The following RPH3AL variants were observed in gnomAD, a reference collection of about 807,000 sequenced individuals.
RPH3AL encodes the protein rab effector Noc2.
Under a neutral mutation model 43.1 loss-of-function variants are expected in RPH3AL, and 38 were observed. That is an observed-to-expected ratio of 0.88 (90% CI 0.68 to 1.15). The LOEUF is 1.15. Ranked by LOEUF, RPH3AL falls within the 50% of genes most tolerant of loss-of-function variation. The probability of loss-of-function intolerance (pLI) is 0.00; values close to 1 mark genes in which losing one functional copy is unlikely to be tolerated. For synonymous variants in RPH3AL, 189 were observed against 176.3 expected (o/e 1.07, Z -0.57); for missense variants, 462 against 423.2 (o/e 1.09, Z -0.81).
intron 5 of RPH3AL, among the ~76,000 whole-genome samples, chr17:316,411 C>G (rs1386154937): frequency 6.7e-6 from 1 of 149,714 alleles, no homozygotes; most frequent in Non-Finnish European, 1.5e-5. Flanking sequence ...TCCTGTAGTC[C>G]CTGTGACCCC....
intron 5 of RPH3AL, among the ~76,000 whole-genome samples, chr17:293,494 C>T (rs552427716): frequency 3.3e-5 from 5 of 152,002 alleles, no homozygotes; most frequent in South Asian, 4.2e-4. Context: ...GGTGGGGCAG[C>T]GGGGTCCAGG....
chr17:315,934 A>T (rs1217012209), intron 5 of RPH3AL, among the ~76,000 whole-genome samples: 1,348 of 131,806 alleles, frequency 0.01, no homozygotes, highest in African/African-American at 0.041. Flanking sequence ...CTGTGCCCCC[A>T]CCTCCATTGA....
intron 6 of RPH3AL, among the ~76,000 whole-genome samples, chr17:256,983 G>A (rs373301295): frequency 6.2e-4 from 1 of 1,612 alleles, no homozygotes. Flanking sequence ...TACTTCCTAT[G>A]AGGGGAGCCG....
At chr17:267,642 T>C (rs1179995251) in intron 6 of RPH3AL, among the ~76,000 whole-genome samples, 1 of 152,198 alleles carries the variant, frequency 6.6e-6, no homozygotes, top group Non-Finnish European at 1.5e-5. Flanking sequence ...ATTACGTATT[T>C]GATTAGTGGC....
At chr17:309,356 A>G (rs1182004926) in intron 5 of RPH3AL, among the ~76,000 whole-genome samples, 1 of 151,998 alleles carries the variant, frequency 6.6e-6, no homozygotes, top group African/African-American at 2.4e-5. Context: ...CAGATACCAA[A>G]CAGAGAGGGA....
chr17:325,416 C>T (rs2044596422), intron 3 of RPH3AL, among the ~76,000 whole-genome samples: 3 of 152,292 alleles, frequency 2.0e-5, no homozygotes, highest in Admixed American at 1.3e-4. Context: ...CCACCCTTCA[C>T]ATTTTGCACT....
intron 5 of RPH3AL, among the ~76,000 whole-genome samples, chr17:285,897 C>T (rs534532798): frequency 1.6e-4 from 24 of 152,284 alleles, no homozygotes; most frequent in Admixed American, 3.9e-4. Flanking sequence ...ACCTCCCCTG[C>T]GATTCACTAA....
In RPH3AL at chr17:215,610, C is replaced by T; in HGVS notation, c.876+44G>A. On this transcript the variant is annotated intron_variant, in intron 9 of 9. Transcript: ENST00000331302. This position sits in a 1 kb window ranked among gnomAD's most constrained non-coding sequence, Gnocchi z 4.1. Reference sequence around the variant, plus strand: ...GAGGAGTGAGTGAGAGAGGACACGGCCGCGGGGGCAGGAGAGGGGAGAAGG... The same window carrying T: ...GAGGAGTGAGTGAGAGAGGACACGGTCGCGGGGGCAGGAGAGGGGAGAAGG... The T allele has an allele frequency of 8.0e-7, 1 of 1,255,822 alleles. No individual in the cohort carries two copies. Among genetic ancestry groups the T allele is most frequent in the Non-Finnish European group, 1.0e-6 (1 of 995,772 alleles). 77.8% of individuals were successfully genotyped at this position (1,255,822 alleles called of 1,614,324 possible). A position where few individuals can be genotyped will look rare whatever the true frequency, so the allele number is the denominator to read the frequency against.
chr17:308,376 C>G (rs757742513), intron 5 of RPH3AL, among the ~76,000 whole-genome samples: 4 of 152,166 alleles, frequency 2.6e-5, no homozygotes, highest in Non-Finnish European at 5.9e-5. Flanking sequence ...GCAGCTGCCA[C>G]GGAAAGCAGG....
chr17:330,325 G>A (rs2044720985), intron 2 of RPH3AL, among the ~76,000 whole-genome samples: 1 of 152,306 alleles, frequency 6.6e-6, no homozygotes, highest in East Asian at 1.9e-4. Context: ...GCCAAGCGTG[G>A]AAATCCCATG....
At chr17:221,733 C>G (rs879807920) in intron 7 of RPH3AL, among the ~76,000 whole-genome samples, 669 of 129,962 alleles carry the variant, frequency 5.1e-3, no homozygotes, top group Middle Eastern at 0.016. Context: ...GAGGCCTCCA[C>G]TCACTGAGAC....
At chr17:214,698 A>C (rs911107157) in intron 9 of RPH3AL, 1 of 151,970 alleles carries the variant, frequency 6.6e-6, no homozygotes, top group Non-Finnish European at 1.5e-5. Flanking sequence ...GGAGCCCAGG[A>C]GGTCGAGGCT....
chr17:321,159 CT>C (rs2044459318), intron 4 of RPH3AL, 112 bp downstream of exon 4: 8 of 1,343,088 alleles, frequency 6.0e-6, no homozygotes, highest in Admixed American at 1.9e-5. Flanking sequence ...TCCTCACCCA[CT>C]CCCAGAGGTA....
chr17:307,870 T>C (rs2043540748), intron 5 of RPH3AL, among the ~76,000 whole-genome samples: 1 of 152,178 alleles, frequency 6.6e-6, no homozygotes, highest in Non-Finnish European at 1.5e-5. Flanking sequence ...GAGGCCTCAA[T>C]GGAGATGTTC....
chr17:315,630 C>G (rs2044018464), intron 5 of RPH3AL, among the ~76,000 whole-genome samples: 1 of 150,968 alleles, frequency 6.6e-6, no homozygotes, highest in Non-Finnish European at 1.5e-5. Context: ...TGTACTCCAC[C>G]TCCACTGACC....
chr17:307,064 G>A (rs187227925), intron 5 of RPH3AL, among the ~76,000 whole-genome samples: 158 of 151,914 alleles, frequency 1.0e-3, no homozygotes, highest in African/African-American at 3.7e-3. Flanking sequence ...CCCAGGTGCC[G>A]CAGCTCACCC....
chr17:284,494 G>T (rs1043854082), intron 5 of RPH3AL, among the ~76,000 whole-genome samples: 4 of 152,106 alleles, frequency 2.6e-5, no homozygotes, highest in Non-Finnish European at 5.9e-5. Flanking sequence ...CCGACCCTGG[G>T]ACAAAGCTTT....
chr17:235,698 TCCCGGGTTCAAAGCTGGGGTCAGC>T (rs2041365319), intron 7 of RPH3AL, among the ~76,000 whole-genome samples: 1 of 52,210 alleles, frequency 1.9e-5, no homozygotes, highest in African/African-American at 7.9e-5. Context: ...ACAAGACAGG[TCCCGGGTTCAAAGCTGGGGTCAGC>T]GGAGGTTCCA....
At chr17:304,769 C>G (rs1275552011) in intron 5 of RPH3AL, among the ~76,000 whole-genome samples, 1 of 151,970 alleles carries the variant, frequency 6.6e-6, no homozygotes, top group African/African-American at 2.4e-5. Context: ...TTTGTTCCCT[C>G]CCGCCCTGCC....
Sources: gnomAD v4.1 joint callset for allele counts (sites outside exome capture counted in the v4.1 genomes callset) on GRCh38, gnomAD v4.1.1 for gene constraint, Gnocchi (gnomAD v3.1) non-coding constraint, MANE v1.5 for transcripts, NCBI Gene and HGNC (gene_info 2026-07-23, HGNC 2026-07-21) for gene names.